WIPF1: variants seen among roughly 807,000 people sequenced by gnomAD.
WIPF1 encodes the protein WAS/WASL interacting protein family member 1, also known as WAS/WASL-interacting protein family member 1.
In WIPF1, 13 loss-of-function variants were observed where a neutral mutation model predicts 35.4. The ratio of observed to expected loss-of-function variants is 0.37; its 90% CI spans 0.24 to 0.58. The LOEUF is 0.58. WIPF1 is among the 20% of genes least tolerant of loss of function. The probability of loss-of-function intolerance (pLI) is 0.74; values close to 1 mark genes in which losing one functional copy is unlikely to be tolerated. For missense variants in WIPF1, 591 were observed against 667.0 expected (o/e 0.89, Z 1.25); for synonymous variants, 267 against 266.3 (o/e 1.00, Z -0.02).
At chr2:174,670,453 G>A (rs1018378122) in intron 1 of WIPF1, among the ~76,000 whole-genome samples, 5 of 152,178 alleles carry the variant, frequency 3.3e-5, no homozygotes, top group South Asian at 2.1e-4. Context: ...CTGAGTTGTC[G>A]AGGGCACTTG....
At chr2:174,564,854 A>ACCG in intron 7 of WIPF1, among the ~76,000 whole-genome samples, 1 of 124,634 alleles carries the variant, frequency 8.0e-6, no homozygotes, top group African/African-American at 3.0e-5. Flanking sequence ...CACACACACC[A>ACCG]TTCAAAGATA....
At position 174,595,065 on chromosome 2, in the gene WIPF1, A is replaced by AGGGTTTGAGAC. The variant is rs1211390508; in HGVS notation, c.-39+2535_-39+2536insGTCTCAAACCC. Among the ~76,000 whole-genome samples the AGGGTTTGAGAC allele has an allele frequency of 1.3e-4, 16 of 120,684 alleles. 1 individual carries two copies. The East Asian group carries it at 4.2e-3, about 31-fold the overall frequency. 79.2% of individuals were successfully genotyped at this position (120,684 alleles called of 152,430 possible). A position where few individuals can be genotyped will look rare whatever the true frequency, so the allele number is the denominator to read the frequency against. ...AAGAGTTTGAGACCATCCTGGGCAAACATAGTGGGACCCTCATCTCTACAA... is the reference window on the plus strand; with the variant it reads ...AAGAGTTTGAGACCATCCTGGGCAAAGGGTTTGAGACCATAGTGGGACCCTCATCTCTACAA... On this transcript the variant is annotated intron_variant, in intron 1 of 7. Transcript: ENST00000679041.
chr2:174,567,396 TAGTG>T (rs1326367099), intron 6 of WIPF1, among the ~76,000 whole-genome samples: 11 of 152,226 alleles, frequency 7.2e-5, no homozygotes, highest in Non-Finnish European at 1.6e-4. Flanking sequence ...AAAGTGGTTT[TAGTG>T]AGAGTGATTA....
intron 5 of WIPF1, among the ~76,000 whole-genome samples, chr2:174,569,145 T>C (rs1365464615): frequency 2.0e-5 from 3 of 152,238 alleles, no homozygotes; most frequent in Admixed American, 1.3e-4. Flanking sequence ...ATACAATGTC[T>C]TAAGGTGCTA....
intron 1 of WIPF1, among the ~76,000 whole-genome samples, chr2:174,651,536 T>C (rs1486848249): frequency 2.0e-5 from 3 of 152,166 alleles, no homozygotes; most frequent in Non-Finnish European, 4.4e-5. Flanking sequence ...TCAATAAATA[T>C]CTGTTAACTG....
intron 1 of WIPF1, among the ~76,000 whole-genome samples, chr2:174,658,979 T>G (rs531642067): frequency 6.6e-6 from 1 of 152,262 alleles, no homozygotes; most frequent in Admixed American, 6.5e-5. Flanking sequence ...TCTGTTTCAA[T>G]ATCTGGAAAA....
At chr2:174,669,395 C>T (rs762919046) in intron 1 of WIPF1, among the ~76,000 whole-genome samples, 1 of 152,152 alleles carries the variant, frequency 6.6e-6, no homozygotes, top group African/African-American at 2.4e-5. Flanking sequence ...AGTTAATAAA[C>T]CATTAAAACA....
rs1158610710 is a variant in WIPF1, at chr2:174,572,110, C to T, written c.695G>A (p.Gly232Glu). 3 of 1,600,204 alleles carry T rather than the reference C, an allele frequency of 1.9e-6. No homozygotes were observed. Among genetic ancestry groups the T allele is most frequent in the Non-Finnish European group, 2.6e-6 (3 of 1,173,364 alleles). ...FPGNRGTALG[G>E]GSIRQSPLSS... ...CAAGGGGGACTGACGTATTGAGCCT[C>T]CTCCCAAAGCAGTGCCGCGGTTTCC... Residue 232 changes from glycine (G) to glutamate (E), a missense_variant, in exon 5 of 8, where the codon GGA becomes GAA. Gly to Glu is a moderately conservative substitution (Grantham distance 98). Transcript: ENST00000679041.
In WIPF1 at chr2:174,571,598, C is replaced by A; in HGVS notation, c.1129+78G>T. On this transcript the variant is annotated intron_variant, in intron 5 of 7. Transcript: ENST00000679041. This position sits in a 1 kb window ranked among gnomAD's most constrained non-coding sequence, Gnocchi z 4.6. ...TTTACTTATGCCTGCTTTTGTTAGA[C>A]TATCTTGACTGACAGGATTATTGGT... 6.3e-7 allele frequency: 1 copy of A among 1,595,672 alleles called. No individual in the cohort carries two copies. The highest frequency in any genetic ancestry group is 2.2e-5 in the East Asian group (1 of 44,788).
intron 1 of WIPF1, among the ~76,000 whole-genome samples, chr2:174,632,683 T>A (rs1362600639): frequency 8.8e-6 from 1 of 114,092 alleles, no homozygotes; most frequent in Admixed American, 1.2e-4. Flanking sequence ...CACTTCAACC[T>A]AGGCGACAAG....
intron 1 of WIPF1, among the ~76,000 whole-genome samples, chr2:174,654,169 G>A (rs1687597650): frequency 6.6e-6 from 1 of 151,926 alleles, no homozygotes; most frequent in East Asian, 1.9e-4. Flanking sequence ...ATTCTTCCAT[G>A]CATAATTTAT....
upstream of WIPF1, among the ~76,000 whole-genome samples, chr2:174,601,078 C>T (rs1344802335): frequency 2.0e-5 from 3 of 150,948 alleles, no homozygotes; most frequent in Non-Finnish European, 2.9e-5. Context: ...TGCACCACCA[C>T]GCCTGGCTAA....
intron 1 of WIPF1, among the ~76,000 whole-genome samples, chr2:174,619,302 CATTT>C (rs1051561517): frequency 2.4e-4 from 36 of 152,062 alleles, no homozygotes; most frequent in Admixed American, 2.3e-3. Context: ...GCATTATATT[CATTT>C]ATTTAACATT....
chr2:174,609,733 C>T (rs781168727), intron 1 of WIPF1, among the ~76,000 whole-genome samples: 4 of 152,140 alleles, frequency 2.6e-5, no homozygotes, highest in Non-Finnish European at 2.9e-5. Flanking sequence ...CAAGTGGGCA[C>T]GGGGTCAGTC....
Position 174,590,809 on chromosome 2 carries a change from T to C in WIPF1, c.-38-5198A>G, listed in dbSNP as rs1240093057. ...TTTCTTTTTAAGAATAATTTCAATG[T>C]TAAGTAACTTTCATGATAGAAAAGC... On this transcript the variant is annotated intron_variant, in intron 1 of 7. Coordinates refer to ENST00000679041, the MANE Select transcript of WIPF1 (RefSeq NM_001375834.1). This position sits in a 1 kb window ranked among gnomAD's most constrained non-coding sequence, Gnocchi z 4.6. Among the ~76,000 whole-genome samples the C allele has an allele frequency of 2.6e-5, 4 of 152,206 alleles. 1 individual carries two copies. Among genetic ancestry groups the C allele is most frequent in the African/African-American group, 9.6e-5 (4 of 41,458 alleles).
chr2:174,633,990 T>A (rs921890103), intron 1 of WIPF1, among the ~76,000 whole-genome samples: 1 of 152,066 alleles, frequency 6.6e-6, no homozygotes, highest in Non-Finnish European at 1.5e-5. Context: ...AAAGGAAACT[T>A]AAGAATTTAT....
chr2:174,567,035 C>T lies in WIPF1; in HGVS notation c.1456+35G>A, dbSNP rs200493942. 746 of 1,599,464 alleles carry T rather than the reference C, an allele frequency of 4.7e-4. 1 individual carries two copies. The highest frequency in any genetic ancestry group is 5.9e-4 in the Non-Finnish European group (693 of 1,166,808). On this transcript the variant is annotated intron_variant, in intron 7 of 7. Transcript: ENST00000679041. ...CCGAGTGTCACTCAGGCTACTCAAGCGTGAATCTTCAAAAACCTTGGCAGA... is the reference window on the plus strand; with the variant it reads ...CCGAGTGTCACTCAGGCTACTCAAGTGTGAATCTTCAAAAACCTTGGCAGA...
rs1376966912 is a variant in WIPF1, at chr2:174,622,536, G to T, written c.-38-36925C>A. ...AACACTGTTCTTGGGGAAGGGAAAG[G>T]AACGTAACACTATAGGATCCCCTCT... is the stretch of plus-strand genomic sequence containing the variant. On this transcript the variant is annotated intron_variant, in intron 1 of 8. Transcript: ENST00000272746. The surrounding 1 kb of genome is among the most constrained non-coding windows in gnomAD (Gnocchi z 5.1). Among the ~76,000 whole-genome samples the T allele has an allele frequency of 6.6e-6, 1 of 152,152 alleles. No individual in the cohort carries two copies. The highest frequency in any genetic ancestry group is 1.5e-5 in the Non-Finnish European group (1 of 68,022).
intron 1 of WIPF1, among the ~76,000 whole-genome samples, chr2:174,607,681 G>C (rs1686215052): frequency 6.6e-6 from 1 of 151,738 alleles, no homozygotes; most frequent in South Asian, 2.1e-4. Context: ...TTTTGTGCTT[G>C]CTGTCCCCTC....
Sources: allele counts gnomAD v4.1 joint callset (sites outside exome capture counted in the v4.1 genomes callset), GRCh38; gene constraint gnomAD v4.1.1; non-coding constraint Gnocchi (gnomAD v3.1); transcripts MANE v1.5; gene names NCBI Gene and HGNC (gene_info 2026-07-23, HGNC 2026-07-21).